APOBEC3B: variants seen among roughly 807,000 people sequenced by gnomAD.
APOBEC3B encodes DNA dC->dU-editing enzyme APOBEC-3B.
Under a neutral mutation model 53.4 loss-of-function variants are expected in APOBEC3B, and 29 were observed. The observed-to-expected ratio is 0.54, with a 90% confidence interval of 0.40 to 0.74. The LOEUF (loss-of-function observed/expected upper bound fraction) is 0.74, where lower values mean the gene tolerates loss of function less well. Among genes scored for constraint, APOBEC3B ranks in the 30% least tolerant of loss-of-function variants. The pLI is 0.00. For missense variants in APOBEC3B, 347 were observed against 496.2 expected, an observed-to-expected ratio of 0.70 and a Z score of 2.86; for synonymous variants, 132 against 184.8, an observed-to-expected ratio of 0.71 and a Z score of 2.32.
Position 38,989,610 on chromosome 22 carries a change from G to A in APOBEC3B, c.723G>A (p.Glu241=). 1.3e-6 allele frequency: 2 copies of A among 1,565,720 alleles called. 1 individual carries two copies. The highest frequency in any genetic ancestry group is 1.7e-6 in the Non-Finnish European group (2 of 1,153,850). ...AGCACATGGGCTTTCTATGCAACGA[G>A]GTGACCGACCCAGCCACCTGCATCC... ...MDQHMGFLCN[E]AKNLLCGFYG... Residue 241 remains glutamate, a splice_region_variant and synonymous_variant, in exon 5 of 8, where the codon GAG becomes GAA. Transcript: ENST00000333467.
In APOBEC3B at chr22:38,992,753, C is replaced by T; in HGVS notation, c.*308C>T. On this transcript the variant is annotated 3_prime_UTR_variant, in exon 8 of 8. Transcript: ENST00000333467. ...TTTAGACTAATAAAACATTAAGAAT[C>T]TTCCATAATTGTTTCCACAAACACT... The T allele has an allele frequency of 2.8e-6, 2 of 712,230 alleles. 1 individual carries two copies. 44.1% of individuals were successfully genotyped at this position (712,230 alleles called of 1,614,324 possible). A position where few individuals can be genotyped will look rare whatever the true frequency, so the allele number is the denominator to read the frequency against.
intron 6 of APOBEC3B, 88 bp from the exon 7 acceptor site, chr22:38,991,946 T>C (rs1924018343): frequency 6.9e-7 from 1 of 1,450,568 alleles, no homozygotes; most frequent in Non-Finnish European, 9.1e-7. Flanking sequence ...AACCAGGATG[T>C]GGGAAGTCTG....
At chr22:38,984,895 CTTTTTTTTTT>C (rs11308471) in intron 2 of APOBEC3B, among the ~76,000 whole-genome samples, 2 of 84,816 alleles carry the variant, frequency 2.4e-5, no homozygotes, top group African/African-American at 8.7e-5. Context: ...TCTTTTTTTC[CTTTTTTTTTT>C]TTTTTTTTTT....
rs773790412 is a variant in APOBEC3B at position 38,992,416 on chromosome 22, C to T, written c.1135-15C>T. On this transcript the variant is annotated splice_polypyrimidine_tract_variant and intron_variant, in intron 7 of 7. Transcript: ENST00000333467. The stretch of plus-strand genomic sequence containing the variant: ...CTCTCACCTCCTGCTCCATTCAACC[C>T]CCCTGCTCTTCCAGAATCAGGGAAA... 10 of 1,602,872 alleles carry T rather than the reference C, an allele frequency of 6.2e-6. No homozygotes were observed. The Admixed American group carries it at 1.7e-4, about 27-fold the overall frequency.
At chr22:38,988,691 T>TCTCTCTCTCTC (rs1447601363) in intron 4 of APOBEC3B, among the ~76,000 whole-genome samples, 24 of 87,928 alleles carry the variant, frequency 2.7e-4, no homozygotes, top group Non-Finnish European at 4.5e-4. Context: ...TTCTCTTTCT[T>TCTCTCTCTCTC]TCTTTCTTTC....
In APOBEC3B at chr22:38,987,238, T is replaced by C. The variant is rs928547009; in HGVS notation, c.569+826T>C. 4.0e-5 allele frequency among the ~76,000 whole-genome samples: 6 copies of C among 148,576 alleles called. 1 individual carries two copies. The highest frequency in any genetic ancestry group is 4.5e-4 in the East Asian group (2 of 4,406). The stretch of plus-strand genomic sequence containing the variant: ...TCTGCTGCCCTTTCCTGCCTGGTGG[T>C]CCTGCTGGGCCTCAGCCCTGGCCTC... On this transcript the variant is annotated intron_variant, in intron 4 of 7. Coordinates refer to ENST00000333467, the MANE Select transcript of APOBEC3B (RefSeq NM_004900.5).
chr22:38,990,509 T>G (rs1923951475), intron 5 of APOBEC3B, among the ~76,000 whole-genome samples: 1 of 147,848 alleles, frequency 6.8e-6, no homozygotes, highest in African/African-American at 2.5e-5. Flanking sequence ...AAAATCCTTT[T>G]CTCTGAAGTT....
chr22:38,982,585 C>G lies in APOBEC3B; in HGVS notation c.17+115C>G, dbSNP rs769594836. 41 of 1,283,734 alleles carry G rather than the reference C, an allele frequency of 3.2e-5. 1 individual carries two copies. The highest frequency in any genetic ancestry group is 1.4e-4 in the South Asian group (11 of 77,938). 79.5% of individuals were successfully genotyped at this position (1,283,734 alleles called of 1,614,324 possible). ...CTGCCCCAGCCCTGGGCTCCCTCCCCTCTGGCTCCCCTGCCACACGAATCC... is the reference window on the plus strand; with the variant it reads ...CTGCCCCAGCCCTGGGCTCCCTCCCGTCTGGCTCCCCTGCCACACGAATCC... On this transcript the variant is annotated intron_variant, in intron 1 of 7. Transcript: ENST00000333467.
intron 5 of APOBEC3B, 95 bp downstream of exon 5, chr22:38,989,705 A>G (rs1021951244): frequency 4.8e-6 from 6 of 1,241,678 alleles, no homozygotes; most frequent in Non-Finnish European, 5.3e-6. Context: ...GGTTTCCTGC[A>G]GTGTTTGTCA....
At chr22:38,983,309 C>G (rs1455089480) in intron 1 of APOBEC3B, among the ~76,000 whole-genome samples, 3 of 144,682 alleles carry the variant, frequency 2.1e-5, no homozygotes, top group African/African-American at 7.6e-5. Flanking sequence ...CAGAGTGAGA[C>G]TTCATCAAAA....
Position 38,986,012 on chromosome 22 carries a change from C to T in APOBEC3B, c.375C>T (p.Tyr125=). The T allele has an allele frequency of 6.3e-7, 1 of 1,594,162 alleles. No homozygotes were observed. The part of the protein sequence containing the change: ...TLTISAARLY[Y]YWERDYRRAL... The stretch of plus-strand genomic sequence containing the variant: ...CCATCTCTGCCGCCCGCCTCTACTA[C>T]TACTGGGAAAGAGATTACCGAAGGG... The change falls in exon 3 of 8, where the codon TAC becomes TAT. Residue 125 remains tyrosine (Y), a synonymous_variant. Coordinates refer to ENST00000333467, the MANE Select transcript of APOBEC3B (RefSeq NM_004900.5).
intron 3 of APOBEC3B, 42 bp from the exon 4 acceptor site, chr22:38,986,256 G>T (rs1275966348): frequency 1.3e-6 from 2 of 1,590,916 alleles, no homozygotes; most frequent in African/African-American, 1.3e-5. Context: ...GACAGGCCAG[G>T]GTCAGGGGAG....
At chr22:38,986,964 C>T (rs1305004700) in intron 4 of APOBEC3B, among the ~76,000 whole-genome samples, 1 of 148,492 alleles carries the variant, frequency 6.7e-6, no homozygotes, top group Non-Finnish European at 1.5e-5. Flanking sequence ...GGGATGATTC[C>T]TGAGGGCAGG....
chr22:38,986,106 G>A lies in APOBEC3B; in HGVS notation c.454+15G>A. The A allele has an allele frequency of 2.5e-6, 4 of 1,589,618 alleles. 1 individual carries two copies. The highest frequency in any genetic ancestry group is 8.5e-7 in the Non-Finnish European group (1 of 1,170,408). On this transcript the variant is annotated intron_variant, in intron 3 of 7. Coordinates refer to ENST00000333467, the MANE Select transcript of APOBEC3B (RefSeq NM_004900.5). ...GGACTATGAAGGTGAGAGGTGGAGG[G>A]GTCAGGGGAGCGTGAGCGGGAGGAA...
In APOBEC3B at chr22:38,989,684, G is replaced by A. The variant is rs1448426722; in HGVS notation, c.723+74G>A. 24 of 1,352,348 alleles carry A rather than the reference G, an allele frequency of 1.8e-5. 1 individual carries two copies. Among genetic ancestry groups the A allele is most frequent in the East Asian group, 1.2e-4 (4 of 34,080 alleles). 83.8% of individuals were successfully genotyped at this position (1,352,348 alleles called of 1,614,324 possible). ...GACACTCATAGATAGAAGGTTCTGG[G>A]TGGTGCCTGTGGTTTCCTGCAGTGT... On this transcript the variant is annotated intron_variant, in intron 5 of 7. Coordinates refer to ENST00000333467, the MANE Select transcript of APOBEC3B (RefSeq NM_004900.5).
In APOBEC3B at chr22:38,988,745, C is replaced by CA. The variant is rs1923868619; in HGVS notation, c.570-712_570-711insA. Among the ~76,000 whole-genome samples the CA allele has an allele frequency of 1.7e-5, 2 of 114,356 alleles. 1 individual carries two copies. The highest frequency in any genetic ancestry group is 1.8e-4 in the Admixed American group (2 of 10,976). The allele number at this position is 114,356 out of a possible 152,430, so 75.0% of individuals were successfully genotyped here. A position where few individuals can be genotyped will look rare whatever the true frequency, so the allele number is the denominator to read the frequency against. On this transcript the variant is annotated intron_variant, in intron 4 of 7. Transcript: ENST00000333467. ...TCTTTCTTTCTTTCTTTCTTTCTTTCTTCCTTTCTTCTCTCTCGTCTTTCT... is the reference window on the plus strand; with the variant it reads ...TCTTTCTTTCTTTCTTTCTTTCTTTCATTCCTTTCTTCTCTCTCGTCTTTCT...
intron 2 of APOBEC3B, among the ~76,000 whole-genome samples, chr22:38,984,524 G>A (rs925364157): frequency 6.7e-6 from 1 of 148,754 alleles, no homozygotes; most frequent in Non-Finnish European, 1.5e-5. Flanking sequence ...TACATCAAAA[G>A]GAAAACAGGA....
intron 6 of APOBEC3B, 58 bp from the exon 7 acceptor site, chr22:38,991,976 T>A: frequency 1.4e-5 from 21 of 1,497,204 alleles, no homozygotes; most frequent in Non-Finnish European, 1.9e-5. Context: ...TCATGGGCCC[T>A]TGGTGCTGCC....
intron 5 of APOBEC3B, among the ~76,000 whole-genome samples, chr22:38,990,443 A>G (rs1923949284): frequency 6.8e-6 from 1 of 147,486 alleles, no homozygotes; most frequent in African/African-American, 2.5e-5. Flanking sequence ...CCCCATCACA[A>G]TCACAGTCCT....
Sources: gnomAD v4.1 joint callset for allele counts (sites outside exome capture counted in the v4.1 genomes callset) on GRCh38, gnomAD v4.1.1 for gene constraint, MANE v1.5 for transcripts, NCBI Gene and HGNC (gene_info 2026-07-23, HGNC 2026-07-21) for gene names.